The following SHISAL1 variants were observed in gnomAD, a reference collection of about 807,000 sequenced individuals.
The protein encoded by SHISAL1 is protein shisa-like-1.
In SHISAL1, 9 loss-of-function variants were observed where a neutral mutation model predicts 22.6. That is an observed-to-expected ratio of 0.40 (90% confidence interval 0.24 to 0.70). SHISAL1 has a LOEUF of 0.70. SHISAL1 is among the 30% of genes least tolerant of loss of function. The pLI is 0.39. For synonymous variants in SHISAL1, 119 were observed against 115.4 expected, an observed-to-expected ratio of 1.03 and a Z score of -0.20; for missense variants, 246 against 270.6, an observed-to-expected ratio of 0.91 and a Z score of 0.64.
intron 3 of SHISAL1, among the ~76,000 whole-genome samples, chr22:44,289,549 A>G (rs2055338989): frequency 1.3e-5 from 2 of 151,784 alleles, no homozygotes; most frequent in African/African-American, 4.8e-5. Context: ...GACACATGAC[A>G]TGACCCCCGG....
chr22:44,277,729 T>C (rs1015231160), intron 4 of SHISAL1, among the ~76,000 whole-genome samples: 9 of 152,168 alleles, frequency 5.9e-5, no homozygotes, highest in African/African-American at 1.7e-4. Flanking sequence ...GGAACCCCCA[T>C]GGCCTGAGGT....
chr22:44,261,570 A>C (rs1370315441), intron 4 of SHISAL1, among the ~76,000 whole-genome samples: 1 of 151,460 alleles, frequency 6.6e-6, no homozygotes, highest in Non-Finnish European at 1.5e-5. Context: ...GCCTTATACC[A>C]CTCTAGGCCA....
chr22:44,279,754 G>A (rs1259784315), intron 4 of SHISAL1, among the ~76,000 whole-genome samples: 1 of 152,186 alleles, frequency 6.6e-6, no homozygotes, highest in African/African-American at 2.4e-5. Flanking sequence ...AGGGTCCAGG[G>A]TGACGGAGCC....
intron 4 of SHISAL1, among the ~76,000 whole-genome samples, chr22:44,261,996 G>T (rs5764673): frequency 0.092 from 13,956 of 151,750 alleles, 1,705 homozygotes; most frequent in African/African-American, 0.27. Flanking sequence ...CTGGGCTGGG[G>T]GCTCAGAACT....
At position 44,298,045 on chromosome 22, in the gene SHISAL1, G is replaced by A. The variant is rs550229641; in HGVS notation, c.68-1160C>T. Among the ~76,000 whole-genome samples the A allele has an allele frequency of 1.8e-3, 271 of 152,270 alleles. 1 individual carries two copies. The highest frequency in any genetic ancestry group is 5.9e-3 in the African/African-American group (244 of 41,554). ...GTGCTGGGGTGCTGAGGCTGCCTCC[G>A]GCGGGGGGCATGAAATTCCACACCC... On this transcript the variant is annotated intron_variant, in intron 2 of 4. Transcript: ENST00000381176.
the SHISAL1 span, among the ~76,000 whole-genome samples, chr22:44,328,300 T>C: frequency 4.6e-5 from 7 of 152,166 alleles, no homozygotes; most frequent in Non-Finnish European, 8.8e-5. Flanking sequence ...TTATGTATTA[T>C]TAGCCTCTTT....
chr22:44,298,858 T>G (rs2055406191), intron 2 of SHISAL1, among the ~76,000 whole-genome samples: 1 of 152,148 alleles, frequency 6.6e-6, no homozygotes, highest in African/African-American at 2.4e-5. Context: ...CACTGGGCGG[T>G]CAGCGCCATG....
At chr22:44,285,322 C>G in intron 4 of SHISAL1, 106 bp downstream of exon 4, 1 of 1,240,164 alleles carries the variant, frequency 8.1e-7, no homozygotes, top group Non-Finnish European at 1.2e-6. Context: ...AGCAAACAAT[C>G]AGGCAACCAA....
chr22:44,258,503 C>T (rs907243536), intron 4 of SHISAL1, among the ~76,000 whole-genome samples: 39 of 152,274 alleles, frequency 2.6e-4, no homozygotes, highest in African/African-American at 7.9e-4. Flanking sequence ...TAGTGTGTAT[C>T]GTTCCCCTCT....
At chr22:44,293,892 A>G (rs914493801) in intron 3 of SHISAL1, among the ~76,000 whole-genome samples, 3 of 152,102 alleles carry the variant, frequency 2.0e-5, no homozygotes, top group African/African-American at 7.2e-5. Context: ...TTGCAGCCCA[A>G]CTCTTCATCA....
chr22:44,326,246 T>G, the SHISAL1 span, among the ~76,000 whole-genome samples: 5 of 152,154 alleles, frequency 3.3e-5, no homozygotes, highest in African/African-American at 1.2e-4. Context: ...GGAAGGAATT[T>G]GCCTTTATTT....
chr22:44,289,509 C>G (rs2147293843), intron 3 of SHISAL1, among the ~76,000 whole-genome samples: 1 of 139,062 alleles, frequency 7.2e-6, no homozygotes, highest in Admixed American at 7.9e-5. Flanking sequence ...CTGCCGGGCT[C>G]CTGGCCTCTG....
the SHISAL1 span, among the ~76,000 whole-genome samples, chr22:44,328,970 C>G: frequency 6.6e-6 from 1 of 152,206 alleles, no homozygotes; most frequent in Admixed American, 6.5e-5. Flanking sequence ...ACATCTCCCC[C>G]TTCCTCTAGC....
At position 44,278,337 on chromosome 22, in the gene SHISAL1, C is replaced by T. The variant is rs529893310; in HGVS notation, c.599+7091G>A. The stretch of plus-strand genomic sequence containing the variant: ...AGCCTGCAGACAGCCTATTGTGGGA[C>T]TTTGTGATCGTGTGAGTTACTACTA... On this transcript the variant is annotated intron_variant, in intron 4 of 4. Coordinates refer to ENST00000381176, the MANE Select transcript of SHISAL1 (RefSeq NM_001099294.2). Among the ~76,000 whole-genome samples the T allele has an allele frequency of 4.6e-5, 7 of 152,300 alleles. No individual in the cohort carries two copies. In the South Asian group the frequency reaches 1.5e-3, roughly 32 times the overall value.
intron 4 of SHISAL1, among the ~76,000 whole-genome samples, chr22:44,269,663 CAT>C (rs1326187218): frequency 6.6e-6 from 1 of 151,026 alleles, no homozygotes; most frequent in African/African-American, 2.4e-5. Context: ...CACAATGTCA[CAT>C]AGACCCACAC....
intron 3 of SHISAL1, among the ~76,000 whole-genome samples, chr22:44,287,788 T>C (rs547101392): frequency 6.6e-6 from 1 of 152,190 alleles, no homozygotes; most frequent in Non-Finnish European, 1.5e-5. Flanking sequence ...TAGATGTCCA[T>C]GTAGACCGAG....
chr22:44,329,150 C>T, the SHISAL1 span, among the ~76,000 whole-genome samples: 234 of 152,350 alleles, frequency 1.5e-3, 1 homozygote, highest in Non-Finnish European at 2.7e-3. Flanking sequence ...AGGGTCACTT[C>T]CTCCTCTGCT....
At chr22:44,312,079 G>A (rs1325192673) in intron 1 of SHISAL1, among the ~76,000 whole-genome samples, 1 of 152,178 alleles carries the variant, frequency 6.6e-6, no homozygotes, top group Non-Finnish European at 1.5e-5. Context: ...CTGGTCCCCA[G>A]AACCCCTTCC....
chr22:44,272,257 C>A (rs1016871197), intron 4 of SHISAL1, among the ~76,000 whole-genome samples: 2 of 152,218 alleles, frequency 1.3e-5, no homozygotes, highest in African/African-American at 4.8e-5. Flanking sequence ...AGGTCTAGTT[C>A]ATTCCAGAAG....
Sources: allele counts gnomAD v4.1 joint callset (sites outside exome capture counted in the v4.1 genomes callset), GRCh38; gene constraint gnomAD v4.1.1; transcripts MANE v1.5; gene names NCBI Gene and HGNC (gene_info 2026-07-23, HGNC 2026-07-21).